GLI2: variants seen among roughly 807,000 people sequenced by gnomAD.
GLI2 encodes the protein GLI family zinc finger 2, also known as transcription activator GLI2.
In GLI2, 22 loss-of-function variants were observed where a neutral mutation model predicts 78.9. The ratio of observed to expected loss-of-function variants is 0.28; its 90% confidence interval spans 0.20 to 0.40. The LOEUF (loss-of-function observed/expected upper bound fraction) is 0.40. Ranked by LOEUF, GLI2 falls within the 10% of genes least tolerant of loss-of-function variation. The pLI, the probability that GLI2 is intolerant of heterozygous loss-of-function variation, is 1.00. For synonymous variants in GLI2, 974 were observed against 963.7 expected, an observed-to-expected ratio of 1.01 and a Z score of -0.20; for missense variants, 2,097 against 2,213.2, an observed-to-expected ratio of 0.95 and a Z score of 1.05.
rs1199916358 is a variant in GLI2, at chr2:120,816,512, T to C, written c.148+19044T>C. On this transcript the variant is annotated intron_variant, in intron 2 of 13. Coordinates refer to ENST00000361492, the MANE Select transcript of GLI2 (RefSeq NM_001374353.1). The stretch of plus-strand genomic sequence containing the variant: ...GCCCGGCCCCAAAGAGCTTTTTTAA[T>C]GTGGGTTATATCTATTGATATTTAC... 6.6e-5 allele frequency among the ~76,000 whole-genome samples: 10 copies of C among 152,132 alleles called. 1 individual carries two copies. The highest frequency in any genetic ancestry group is 2.0e-4 in the Admixed American group (3 of 15,276).
At chr2:120,853,549 G>A (rs763739310) in intron 2 of GLI2, among the ~76,000 whole-genome samples, 1 of 152,184 alleles carries the variant, frequency 6.6e-6, no homozygotes, top group Non-Finnish European at 1.5e-5. Flanking sequence ...CTTTCTGGCT[G>A]TTTGGATCTG....
At chr2:120,982,160 G>A (rs987530152) in intron 10 of GLI2, among the ~76,000 whole-genome samples, 2 of 152,156 alleles carry the variant, frequency 1.3e-5, no homozygotes, top group Non-Finnish European at 2.9e-5. Flanking sequence ...TCGGTAGTAT[G>A]CAGAGGCCCC....
intron 2 of GLI2, among the ~76,000 whole-genome samples, chr2:120,892,453 G>A (rs1282029690): frequency 6.6e-6 from 1 of 152,214 alleles, no homozygotes; most frequent in African/African-American, 2.4e-5. Flanking sequence ...GTCCCAGCTA[G>A]CCAGGGGCTG....
intron 1 of GLI2, among the ~76,000 whole-genome samples, chr2:120,745,455 A>T (rs1213848090): frequency 6.6e-6 from 1 of 152,168 alleles, no homozygotes. Context: ...GAAGTTGCAG[A>T]AGAGGATGCT....
chr2:120,942,926 A>G (rs1361060328), intron 3 of GLI2, among the ~76,000 whole-genome samples: 4 of 149,074 alleles, frequency 2.7e-5, no homozygotes, highest in Non-Finnish European at 5.9e-5. Flanking sequence ...TCATTCATTC[A>G]TTCGTTCACA....
At chr2:120,752,589 T>C (rs1473935872) in intron 1 of GLI2, among the ~76,000 whole-genome samples, 2 of 152,160 alleles carry the variant, frequency 1.3e-5, no homozygotes, top group Admixed American at 1.3e-4. Context: ...TTTTTATTTA[T>C]ACTTATTTAT....
chr2:120,976,444 C>T (rs1332336672), intron 9 of GLI2, among the ~76,000 whole-genome samples: 2 of 152,196 alleles, frequency 1.3e-5, no homozygotes, highest in African/African-American at 4.8e-5. Flanking sequence ...CTTATCTAAC[C>T]CCTTCTGGAT....
chr2:120,916,546 C>A (rs951929616), intron 2 of GLI2, among the ~76,000 whole-genome samples: 8 of 152,262 alleles, frequency 5.3e-5, no homozygotes, highest in African/African-American at 1.9e-4. Flanking sequence ...CGCTGAATCC[C>A]GCAGGGTCAG....
At chr2:120,889,176 G>A (rs968663596) in intron 2 of GLI2, among the ~76,000 whole-genome samples, 17 of 152,350 alleles carry the variant, frequency 1.1e-4, no homozygotes, top group African/African-American at 4.1e-4. Flanking sequence ...TCTCAGAAAA[G>A]TCTTGAAAGG....
Position 120,988,293 on chromosome 2 carries a change from G to A in GLI2, c.2328G>A (p.Ala776=). 1.3e-6 allele frequency: 2 copies of A among 1,564,652 alleles called. No individual in the cohort carries two copies. The highest frequency in any genetic ancestry group is 1.7e-6 in the Non-Finnish European group (2 of 1,160,658). Residue 776 remains alanine (A), a synonymous_variant, in exon 14 of 14, where the codon GCG becomes GCA. Transcript: ENST00000361492. ...ACCCGCGGCTGTCGGAGCTGTCCGCGAGCGAGGTGACCATGCTGAGCCAGC... is the reference window on the plus strand; with the variant it reads ...ACCCGCGGCTGTCGGAGCTGTCCGCAAGCGAGGTGACCATGCTGAGCCAGC... The part of the protein sequence containing the change: ...LPNPRLSELS[A]SEVTMLSQLQ...
intron 8 of GLI2, chr2:120,972,741 GA>G: frequency 2.0e-6 from 1 of 509,718 alleles, no homozygotes; most frequent in Admixed American, 2.0e-5. Flanking sequence ...GTGGCGTGGT[GA>G]GGGGGGAAGA....
intron 2 of GLI2, among the ~76,000 whole-genome samples, chr2:120,868,933 G>A (rs190471584): frequency 2.1e-4 from 32 of 152,320 alleles, no homozygotes; most frequent in African/African-American, 6.5e-4. Flanking sequence ...GTGCAGGGGC[G>A]GGCACATCGT....
chr2:120,799,148 A>G (rs928322795), intron 2 of GLI2, among the ~76,000 whole-genome samples: 3 of 152,218 alleles, frequency 2.0e-5, no homozygotes, highest in Non-Finnish European at 4.4e-5. Context: ...TGCAATAGCA[A>G]CAGATGCTTG....
chr2:120,809,237 A>T (rs570725963), intron 2 of GLI2, among the ~76,000 whole-genome samples: 2 of 152,354 alleles, frequency 1.3e-5, no homozygotes, highest in South Asian at 4.1e-4. Flanking sequence ...CCTCGCAAAC[A>T]TATGCTAAGA....
chr2:120,949,697 CTACAT>C lies in GLI2; in HGVS notation c.255-1545_255-1541del, dbSNP rs1338728616. Among the ~76,000 whole-genome samples the C allele has an allele frequency of 5.3e-5, 8 of 152,342 alleles. 1 individual carries two copies. Among genetic ancestry groups the C allele is most frequent in the Admixed American group, 6.5e-5 (1 of 15,312 alleles). On this transcript the variant is annotated intron_variant, in intron 3 of 13. Transcript: ENST00000361492. ...AAAGGCAGAAGCAGGTTCGTGGGAT[CTACAT>C]GAGCAGGGCAGTCACGTCTGCTGAA...
intron 3 of GLI2, among the ~76,000 whole-genome samples, chr2:120,948,657 G>A (rs1274136508): frequency 6.6e-6 from 1 of 152,192 alleles, no homozygotes; most frequent in African/African-American, 2.4e-5. Context: ...GACAGACTGG[G>A]CCTGCTGTGT....
At chr2:120,781,416 C>T (rs1484631407) in intron 1 of GLI2, among the ~76,000 whole-genome samples, 15 of 152,206 alleles carry the variant, frequency 9.9e-5, no homozygotes, top group Admixed American at 6.5e-5. Flanking sequence ...TTCTGAGGCC[C>T]GGGATGCTCC....
intron 1 of GLI2, among the ~76,000 whole-genome samples, chr2:120,746,581 A>G (rs1682699989): frequency 1.3e-5 from 2 of 152,128 alleles, no homozygotes; most frequent in African/African-American, 4.8e-5. Flanking sequence ...TTGAAGATCT[A>G]TCTCTTTGCT....
chr2:120,910,419 C>T (rs553214611), intron 2 of GLI2, among the ~76,000 whole-genome samples: 2 of 152,228 alleles, frequency 1.3e-5, no homozygotes, highest in Non-Finnish European at 2.9e-5. Flanking sequence ...TCAGTGGGGC[C>T]TTAAAGATAA....
Sources: allele counts gnomAD v4.1 joint callset (sites outside exome capture counted in the v4.1 genomes callset), GRCh38; gene constraint gnomAD v4.1.1; transcripts MANE v1.5; gene names NCBI Gene and HGNC (gene_info 2026-07-23, HGNC 2026-07-21).